Variants in SPATA19 observed in about 807,000 individuals in gnomAD.
SPATA19 encodes spermatogenesis associated 19, also known as spermatogenesis-associated protein 19, mitochondrial.
SPATA19 carries 19 observed loss-of-function variants against 25.0 expected under a neutral mutation model. The ratio of observed to expected loss-of-function variants is 0.76; its 90% confidence interval spans 0.53 to 1.11. SPATA19 has a LOEUF of 1.11. Among genes scored for constraint, SPATA19 ranks in the 50% most tolerant of loss-of-function variants. The pLI, the probability that SPATA19 is intolerant of heterozygous loss-of-function variation, is 0.00. For missense variants in SPATA19, 222 were observed against 211.4 expected (o/e 1.05, Z -0.31); for synonymous variants, 64 against 69.3 (o/e 0.92, Z 0.38).
At chr11:133,839,944 G>A (rs1429544193), downstream of SPATA19, among the ~76,000 whole-genome samples, 2 of 151,856 alleles carry the variant, frequency 1.3e-5, no homozygotes, top group Admixed American at 6.6e-5. Flanking sequence ...GAATCTCAGA[G>A]AACACCAAGC....
intron 4 of SPATA19, among the ~76,000 whole-genome samples, chr11:133,843,663 AGACC>A (rs1938358589): frequency 6.6e-6 from 1 of 152,172 alleles, no homozygotes; most frequent in Admixed American, 6.5e-5. Flanking sequence ...TGTGCTCCAG[AGACC>A]CCCAGTGAAC....
At chr11:133,838,949 A>T (rs1224092916), downstream of SPATA19, among the ~76,000 whole-genome samples, 1 of 152,252 alleles carries the variant, frequency 6.6e-6, no homozygotes, top group East Asian at 1.9e-4. Context: ...ACCACTGGCC[A>T]TCGGAGAAAT....
Position 133,844,274 on chromosome 11 carries a change from T to C in SPATA19, c.331A>G (p.Arg111Gly), listed in dbSNP as rs916103375. 3 of 1,614,188 alleles carry C rather than the reference T, an allele frequency of 1.9e-6. No homozygotes were observed. The highest frequency in any genetic ancestry group is 2.5e-6 in the Non-Finnish European group (3 of 1,180,018). ...CATCTTATGAACTGGATTCGTGTTC[T>C]CTCCTCTAGGACCTCTTGGCTCTGG... is the stretch of plus-strand genomic sequence containing the variant. ...ANQSQEVLEE[R>G]TRIQFIRWSH... is the part of the protein sequence containing the mutation. The change falls in exon 4 of 7, where the codon AGA becomes GGA. Residue 111 changes from arginine (R) to glycine (G), a missense_variant. Physicochemically the swap from Arg to Gly is moderately radical, Grantham distance 125. Coordinates refer to ENST00000299140, the MANE Select transcript of SPATA19 (RefSeq NM_174927.3).
chr11:133,844,993 A>G, intron 2 of SPATA19, 141 bp downstream of exon 2: 1 of 759,190 alleles, frequency 1.3e-6, no homozygotes, highest in Non-Finnish European at 2.2e-6. Flanking sequence ...ATGTGAAGAA[A>G]TTAGACTCAA....
At chr11:133,845,229 A>C (rs777210225) in intron 1 of SPATA19, 39 bp from the exon 2 acceptor site, 2 of 1,608,866 alleles carry the variant, frequency 1.2e-6, no homozygotes, top group Admixed American at 1.7e-5. Context: ...CAGAAAACCT[A>C]GAAATTCAGC....
At chr11:133,838,556 A>T (rs1938247241), downstream of SPATA19, among the ~76,000 whole-genome samples, 1 of 152,252 alleles carries the variant, frequency 6.6e-6, no homozygotes, top group African/African-American at 2.4e-5. Flanking sequence ...CTTACATGTT[A>T]GATCTAAAAC....
chr11:133,844,112 C>A, intron 4 of SPATA19, 134 bp downstream of exon 4: 1 of 726,546 alleles, frequency 1.4e-6, no homozygotes, highest in South Asian at 1.6e-5. Context: ...TCCCTTAAGA[C>A]CCCAAAGCAA....
At chr11:133,838,136 C>A (rs986257412), downstream of SPATA19, among the ~76,000 whole-genome samples, 2 of 152,046 alleles carry the variant, frequency 1.3e-5, no homozygotes, top group Non-Finnish European at 2.9e-5. Flanking sequence ...TGAGACAAAG[C>A]AAGTATAGAA....
chr11:133,838,997 G>C (rs1217609868), downstream of SPATA19, among the ~76,000 whole-genome samples: 13 of 152,206 alleles, frequency 8.5e-5, no homozygotes, highest in African/African-American at 2.2e-4. Flanking sequence ...TCTCACACCA[G>C]TTAGAATGGT....
intron 4 of SPATA19, 55 bp downstream of exon 4, chr11:133,844,191 G>C (rs530671550): frequency 7.1e-7 from 1 of 1,409,760 alleles, no homozygotes. Context: ...TGAAGAGAGG[G>C]GCTTGCGCAT....
chr11:133,845,115 A>C lies in SPATA19; in HGVS notation c.135+19T>G. 1 of 1,610,816 alleles carries C rather than the reference A, an allele frequency of 6.2e-7. No homozygotes were observed. The highest frequency in any genetic ancestry group is 8.5e-7 in the Non-Finnish European group (1 of 1,177,380). ...TCTAGCATTTTGGATATCCTGAGTC[A>C]TAAAGAAATCTTACTCACTTTTTTC... On this transcript the variant is annotated intron_variant, in intron 2 of 6. Transcript: ENST00000299140.
At chr11:133,844,402 GC>G in intron 3 of SPATA19, 65 bp from the exon 4 acceptor site, 2 of 1,610,084 alleles carry the variant, frequency 1.2e-6, no homozygotes, top group Admixed American at 3.3e-5. Context: ...CTGGCACAGA[GC>G]CCAGACGAGC....
chr11:133,838,866 C>G (rs186980761), downstream of SPATA19, among the ~76,000 whole-genome samples: 2 of 152,212 alleles, frequency 1.3e-5, no homozygotes, highest in African/African-American at 4.8e-5. Context: ...AAAAAGTGGG[C>G]AAAGGATATG....
downstream of SPATA19, among the ~76,000 whole-genome samples, chr11:133,838,018 G>A (rs1428744705): frequency 1.3e-5 from 2 of 152,114 alleles, no homozygotes; most frequent in African/African-American, 4.8e-5. Context: ...TAAACATACA[G>A]CCTCACACTA....
chr11:133,844,745 C>G, intron 2 of SPATA19, 105 bp from the exon 3 acceptor site: 3 of 1,327,970 alleles, frequency 2.3e-6, no homozygotes, highest in Non-Finnish European at 3.1e-6. Context: ...AACTCACACA[C>G]CACATATTCA....
rs142334400 is a variant in SPATA19 at position 133,845,512 on chromosome 11, A to G, written c.-66T>C. On this transcript the variant is annotated 5_prime_UTR_variant, in exon 1 of 7. Transcript: ENST00000299140. ...CCATTGAAGCTGCCTGAGAACTCCT[A>G]TGGGACAGGAAGGTCATTGAAGGGA... 3 of 1,543,702 alleles carry G rather than the reference A, an allele frequency of 1.9e-6. No homozygotes were observed. Among genetic ancestry groups the G allele is most frequent in the Non-Finnish European group, 2.7e-6 (3 of 1,121,276 alleles).
At position 133,844,615 on chromosome 11, in the gene SPATA19, A is replaced by T; in HGVS notation, c.161T>A (p.Ile54Lys). The T allele has an allele frequency of 1.9e-6, 3 of 1,611,120 alleles. No individual in the cohort carries two copies. Among genetic ancestry groups the T allele is most frequent in the Non-Finnish European group, 2.5e-6 (3 of 1,178,590 alleles). ...KKTEEEASRG[I>K]KEKLSINHPS... Reference sequence around the variant, plus strand: ...GTGGTTGATGGACAGCTTTTCCTTTATGCCCCGAGAAGCCTCTTCTTCTGT... The same window carrying T: ...GTGGTTGATGGACAGCTTTTCCTTTTTGCCCCGAGAAGCCTCTTCTTCTGT... Residue 54 changes from isoleucine (I) to lysine (K), a missense_variant, in exon 3 of 7, where the codon ATA (isoleucine) becomes AAA (lysine). Coordinates refer to ENST00000299140, the MANE Select transcript of SPATA19 (RefSeq NM_174927.3).
chr11:133,844,743 C>T (rs1389008283), intron 2 of SPATA19, 103 bp from the exon 3 acceptor site: 2 of 1,336,980 alleles, frequency 1.5e-6, no homozygotes, highest in South Asian at 1.4e-5. Flanking sequence ...ACAACTCACA[C>T]ACCACATATT....
chr11:133,843,786 G>A (rs1938361474), intron 4 of SPATA19, among the ~76,000 whole-genome samples: 1 of 152,212 alleles, frequency 6.6e-6, no homozygotes, highest in South Asian at 2.1e-4. Flanking sequence ...GAGGCAGTGG[G>A]GACGGCTGTG....
Sources: gnomAD v4.1 joint callset for allele counts (sites outside exome capture counted in the v4.1 genomes callset) on GRCh38, gnomAD v4.1.1 for gene constraint, MANE v1.5 for transcripts, NCBI Gene and HGNC (gene_info 2026-07-23, HGNC 2026-07-21) for gene names.